Variants in LDLRAD3 observed in about 807,000 individuals in gnomAD.
LDLRAD3 encodes low-density lipoprotein receptor class A domain-containing protein 3.
A neutral mutation model predicts 29.4 loss-of-function variants in LDLRAD3; 20 were observed. The observed-to-expected ratio is 0.68, with a 90% CI of 0.48 to 0.99. The LOEUF (loss-of-function observed/expected upper bound fraction) is 0.99. Among genes scored for constraint, LDLRAD3 ranks in the 50% least tolerant of loss-of-function variants. The pLI, the probability that LDLRAD3 is intolerant of heterozygous loss-of-function variation, is 0.00. For missense variants in LDLRAD3, 420 were observed against 454.3 expected (o/e 0.92, Z 0.69); for synonymous variants, 157 against 192.7 (o/e 0.81, Z 1.53).
At chr11:35,958,387 T>C (rs1278243622) in intron 1 of LDLRAD3, among the ~76,000 whole-genome samples, 1 of 152,136 alleles carries the variant, frequency 6.6e-6, no homozygotes, top group African/African-American at 2.4e-5. Context: ...AAATTTGTAG[T>C]GTGTATGTGT....
At chr11:36,223,963 A>G (rs1301261175) in intron 4 of LDLRAD3, among the ~76,000 whole-genome samples, 7 of 151,826 alleles carry the variant, frequency 4.6e-5, no homozygotes, top group Non-Finnish European at 8.8e-5. Context: ...TGGATGCACT[A>G]TAACATGTGT....
intron 1 of LDLRAD3, among the ~76,000 whole-genome samples, chr11:35,965,464 G>A (rs974344248): frequency 3.9e-5 from 6 of 152,140 alleles, no homozygotes; most frequent in African/African-American, 1.4e-4. Flanking sequence ...AAGAGAGGAG[G>A]CTCCAAGGCT....
At chr11:36,032,046 T>C (rs1484994120) in intron 1 of LDLRAD3, among the ~76,000 whole-genome samples, 2 of 152,198 alleles carry the variant, frequency 1.3e-5, no homozygotes, top group Admixed American at 6.5e-5. Flanking sequence ...GTCTTCCCTC[T>C]TACATGGTCT....
intron 4 of LDLRAD3, among the ~76,000 whole-genome samples, chr11:36,188,171 A>G (rs1303675154): frequency 6.6e-6 from 1 of 152,054 alleles, no homozygotes; most frequent in Non-Finnish European, 1.5e-5. Context: ...GGCACGCAGA[A>G]TTCCATTAGT....
At chr11:35,998,600 G>A (rs1851784329) in intron 1 of LDLRAD3, among the ~76,000 whole-genome samples, 1 of 152,172 alleles carries the variant, frequency 6.6e-6, no homozygotes, top group South Asian at 2.1e-4. Context: ...GATTCACTTG[G>A]AAAATATCCT....
intron 1 of LDLRAD3, among the ~76,000 whole-genome samples, chr11:36,033,395 C>T (rs528934276): frequency 2.6e-5 from 4 of 152,302 alleles, no homozygotes; most frequent in Non-Finnish European, 5.9e-5. Context: ...CTGCATCCAC[C>T]CATCCATTTG....
At chr11:36,002,477 C>G (rs921121600) in intron 1 of LDLRAD3, among the ~76,000 whole-genome samples, 1 of 152,180 alleles carries the variant, frequency 6.6e-6, no homozygotes, top group African/African-American at 2.4e-5. Flanking sequence ...CTGTGACTGT[C>G]CTGCCTGGAG....
At chr11:36,144,766 GC>G (rs776835483) in intron 4 of LDLRAD3, among the ~76,000 whole-genome samples, 2 of 124,316 alleles carry the variant, frequency 1.6e-5, no homozygotes, top group Non-Finnish European at 1.8e-5. Context: ...GTGGGGGTCA[GC>G]CCCCCGCCCG....
intron 1 of LDLRAD3, among the ~76,000 whole-genome samples, chr11:36,029,630 TATAAATACA>T (rs1461783424): frequency 1.3e-5 from 2 of 152,354 alleles, no homozygotes; most frequent in African/African-American, 4.8e-5. Flanking sequence ...TTAATGAGGC[TATAAATACA>T]GCACGAAAAT....
At chr11:36,113,345 C>T (rs927951397) in intron 4 of LDLRAD3, among the ~76,000 whole-genome samples, 1 of 152,046 alleles carries the variant, frequency 6.6e-6, no homozygotes, top group Non-Finnish European at 1.5e-5. Flanking sequence ...ACAGGGAGCT[C>T]TCCGCTCCTC....
intron 1 of LDLRAD3, among the ~76,000 whole-genome samples, chr11:35,945,269 T>A (rs1375703001): frequency 6.6e-6 from 1 of 152,188 alleles, no homozygotes; most frequent in Non-Finnish European, 1.5e-5. Context: ...CTCACTTCAT[T>A]CTTAGCTGTG....
chr11:35,975,697 A>T (rs1851466674), intron 1 of LDLRAD3, among the ~76,000 whole-genome samples: 1 of 152,186 alleles, frequency 6.6e-6, no homozygotes, highest in South Asian at 2.1e-4. Context: ...CAACTGGTGT[A>T]ATCTTTGGTA....
At chr11:35,996,880 G>C (rs534538217) in intron 1 of LDLRAD3, among the ~76,000 whole-genome samples, 1 of 152,178 alleles carries the variant, frequency 6.6e-6, no homozygotes, top group Non-Finnish European at 1.5e-5. Flanking sequence ...CAGTAGGTAC[G>C]ATATTGCCAA....
chr11:36,084,897 T>C (rs538325206), intron 3 of LDLRAD3, among the ~76,000 whole-genome samples: 1 of 152,354 alleles, frequency 6.6e-6, no homozygotes, highest in East Asian at 1.9e-4. Flanking sequence ...AGAGTATAGT[T>C]GTCTTATATA....
chr11:36,117,823 A>C (rs60444773), intron 4 of LDLRAD3, among the ~76,000 whole-genome samples: 8,610 of 152,310 alleles, frequency 0.057, 503 homozygotes, highest in East Asian at 0.34. Context: ...GGTAAAATTC[A>C]GATTATTATG....
intron 3 of LDLRAD3, among the ~76,000 whole-genome samples, chr11:36,087,720 T>G (rs533085039): frequency 6.6e-6 from 1 of 152,188 alleles, no homozygotes; most frequent in South Asian, 2.1e-4. Flanking sequence ...ATATAATTTT[T>G]TTTTTTCCCA....
At chr11:36,127,652 A>T (rs183815007) in intron 4 of LDLRAD3, among the ~76,000 whole-genome samples, 1 of 152,332 alleles carries the variant, frequency 6.6e-6, no homozygotes, top group Non-Finnish European at 1.5e-5. Context: ...AATGTTAGTT[A>T]ACCTGAGTAG....
chr11:36,152,143 C>G (rs1854286768), intron 4 of LDLRAD3, among the ~76,000 whole-genome samples: 1 of 152,162 alleles, frequency 6.6e-6, no homozygotes, highest in South Asian at 2.1e-4. Context: ...CTCTTTCCCT[C>G]CAACACACAC....
intron 3 of LDLRAD3, 117 bp from the exon 4 acceptor site, chr11:36,098,210 T>C: frequency 3.2e-6 from 4 of 1,259,522 alleles, no homozygotes; most frequent in Middle Eastern, 5.6e-4. Flanking sequence ...GTCTGCCAGC[T>C]TAGAAGATAA....
Sources: gnomAD v4.1 joint callset for allele counts (sites outside exome capture counted in the v4.1 genomes callset) on GRCh38, gnomAD v4.1.1 for gene constraint, MANE v1.5 for transcripts, NCBI Gene and HGNC (gene_info 2026-07-23, HGNC 2026-07-21) for gene names.